BPIFC: variants seen among roughly 807,000 people sequenced by gnomAD.
BPIFC encodes BPI fold containing family C.
Under a neutral mutation model 57.6 loss-of-function variants are expected in BPIFC, and 60 were observed. The observed-to-expected ratio is 1.04, with a 90% CI of 0.85 to 1.29. The LOEUF (loss-of-function observed/expected upper bound fraction) is 1.29, where lower values mean the gene tolerates loss of function less well. Among genes scored for constraint, BPIFC ranks in the 50% most tolerant of loss-of-function variants. The probability of loss-of-function intolerance (pLI) is 0.00; values close to 1 mark genes in which losing one functional copy is unlikely to be tolerated. For synonymous variants in BPIFC, 243 were observed against 224.5 expected, an observed-to-expected ratio of 1.08 and a Z score of -0.74; for missense variants, 581 against 600.5, an observed-to-expected ratio of 0.97 and a Z score of 0.34.
rs369957427 is a variant in BPIFC, at chr22:32,445,863, C to T, written c.508G>A (p.Val170Ile). ...CACCTGAGTTCTCCGGAAAATGAGA[C>T]GTGGGCATGGCTCAGTTGGGCGTAG... ...DCYAQLSHAH[V>I]SFSGELSVLY... is the part of the protein sequence containing the mutation. Residue 170 changes from valine to isoleucine, a missense_variant, in exon 6 of 17, where the codon GTC becomes ATC. Coordinates refer to ENST00000300399, the MANE Select transcript of BPIFC (RefSeq NM_174932.3). 152 of 1,614,010 alleles carry T rather than the reference C, an allele frequency of 9.4e-5. No homozygotes were observed. The highest frequency in any genetic ancestry group is 8.0e-4 in the South Asian group (73 of 91,066).
chr22:32,430,926 A>T (rs1934220981), intron 13 of BPIFC, among the ~76,000 whole-genome samples: 1 of 152,174 alleles, frequency 6.6e-6, no homozygotes, highest in East Asian at 1.9e-4. Flanking sequence ...GAGAGCCTGT[A>T]AGATGGCACC....
intron 8 of BPIFC, among the ~76,000 whole-genome samples, chr22:32,441,006 AG>A (rs1232059689): frequency 6.6e-6 from 1 of 152,104 alleles, no homozygotes; most frequent in Non-Finnish European, 1.5e-5. Context: ...TTAGATTAAG[AG>A]GTGGACTTTG....
intron 13 of BPIFC, 110 bp downstream of exon 13, chr22:32,431,237 C>T: frequency 1.1e-6 from 1 of 918,060 alleles, no homozygotes. Flanking sequence ...CCTCAGCCTC[C>T]TGAGTAGCTG....
intron 13 of BPIFC, among the ~76,000 whole-genome samples, chr22:32,430,456 T>C (rs9609548): frequency 0.025 from 3,793 of 150,450 alleles, 53 homozygotes; most frequent in Non-Finnish European, 0.037. Context: ...GAATTATATA[T>C]ATATTCTTTG....
At chr22:32,435,019 T>G (rs1934350096) in intron 10 of BPIFC, among the ~76,000 whole-genome samples, 1 of 152,198 alleles carries the variant, frequency 6.6e-6, no homozygotes. Context: ...TAAGCAACAG[T>G]TATATCGCAC....
intron 4 of BPIFC, among the ~76,000 whole-genome samples, chr22:32,447,762 C>T (rs1934771118): frequency 6.6e-6 from 1 of 151,968 alleles, no homozygotes; most frequent in South Asian, 2.1e-4. Flanking sequence ...TGTGCCATCA[C>T]ACTTGGCTAA....
chr22:32,464,412 C>A lies in BPIFC; in HGVS notation c.-127G>T. On this transcript the variant is annotated 5_prime_UTR_variant, in exon 1 of 17. Transcript: ENST00000300399. ...AGTGTCCAAAGCTGGAGAGCACCTT[C>A]GATTCTCTCTGCCTTTGAAGCTGAT... 1.0e-6 allele frequency: 1 copy of A among 985,296 alleles called. No homozygotes were observed. Among genetic ancestry groups the A allele is most frequent in the Non-Finnish European group, 1.2e-6 (1 of 829,924 alleles). The allele number at this position is 985,296 out of a possible 1,614,324, so 61.0% of individuals were successfully genotyped here.
At chr22:32,419,228 T>G (rs1933765686) in intron 14 of BPIFC, 134 bp downstream of exon 14, 3 of 930,522 alleles carry the variant, frequency 3.2e-6, no homozygotes, top group Non-Finnish European at 3.2e-6. Flanking sequence ...CATAAAGAAT[T>G]TCAAAGTTAA....
intron 15 of BPIFC, among the ~76,000 whole-genome samples, chr22:32,416,759 A>C (rs1044783222): frequency 1.3e-5 from 2 of 152,204 alleles, no homozygotes; most frequent in Admixed American, 6.5e-5. Context: ...CGTAGGGAAA[A>C]TAATCTCGTT....
chr22:32,429,509 G>GTTTTTTTTTTTTTTT (rs780948561), intron 13 of BPIFC, among the ~76,000 whole-genome samples: 1 of 56,622 alleles, frequency 1.8e-5, no homozygotes, highest in African/African-American at 7.0e-5. Flanking sequence ...ACTGGCCTTT[G>GTTTTTTTTTTTTTTT]TTTTTTTTTT....
Position 32,464,405 on chromosome 22 carries a change from G to A in BPIFC, c.-120C>T, listed in dbSNP as rs976524027. 1.0e-6 allele frequency: 1 copy of A among 985,352 alleles called. No individual in the cohort carries two copies. Among genetic ancestry groups the A allele is most frequent in the African/African-American group, 1.7e-5 (1 of 57,338 alleles). The allele number at this position is 985,352 out of a possible 1,614,324, so 61.0% of individuals were successfully genotyped here. On this transcript the variant is annotated 5_prime_UTR_variant, in exon 1 of 17. Transcript: ENST00000300399. ...CAGAGGAAGTGTCCAAAGCTGGAGA[G>A]CACCTTCGATTCTCTCTGCCTTTGA... is the stretch of plus-strand genomic sequence containing the variant.
At chr22:32,415,626 A>C (rs12167313) in intron 16 of BPIFC, among the ~76,000 whole-genome samples, 1,783 of 152,288 alleles carry the variant, frequency 0.012, 21 homozygotes, top group African/African-American at 0.035. Context: ...CCAGCCTTAC[A>C]GATTGTCTTG....
intron 13 of BPIFC, among the ~76,000 whole-genome samples, chr22:32,420,547 A>G (rs1305923994): frequency 6.6e-6 from 1 of 152,226 alleles, no homozygotes; most frequent in African/African-American, 2.4e-5. Flanking sequence ...AAGGTACAGT[A>G]TAATTGTTAG....
Position 32,414,336 on chromosome 22 carries a change from T to C in BPIFC, c.1491A>G (p.Ile497Met). Reference protein sequence around the residue: ...SFHVWEGLNLISRQWRGKSAP With the variant: ...SFHVWEGLNLMSRQWRGKSAP ...CTGACTTCCCCCTCCACTGTCTGCT[T>C]ATCAGGTTCAGACCTTCCCATACGT... The change falls in exon 17 of 17, where the codon ATA (isoleucine) becomes ATG (methionine). Residue 497 changes from isoleucine (I) to methionine (M), a missense_variant. Physicochemically the swap from Ile to Met is conservative, Grantham distance 10. Transcript: ENST00000300399. 1.9e-6 allele frequency: 3 copies of C among 1,613,898 alleles called. No homozygotes were observed. The East Asian group carries it at 6.7e-5, about 36-fold the overall frequency.
At chr22:32,448,200 C>T (rs1260675591) in intron 4 of BPIFC, among the ~76,000 whole-genome samples, 2 of 152,082 alleles carry the variant, frequency 1.3e-5, no homozygotes, top group Non-Finnish European at 2.9e-5. Context: ...TCCCAAGTAG[C>T]TGGGACTACA....
chr22:32,450,246 T>C (rs949738427), intron 4 of BPIFC, among the ~76,000 whole-genome samples: 2 of 152,338 alleles, frequency 1.3e-5, no homozygotes, highest in South Asian at 2.1e-4. Context: ...CTTACCATTG[T>C]ATTACAATTG....
chr22:32,446,292 A>G (rs1168533813), intron 5 of BPIFC, among the ~76,000 whole-genome samples: 1 of 152,180 alleles, frequency 6.6e-6, no homozygotes, highest in Non-Finnish European at 1.5e-5. Flanking sequence ...CTTCATATAC[A>G]ATGTTTGTTT....
intron 5 of BPIFC, 77 bp downstream of exon 5, chr22:32,447,135 A>C: frequency 7.0e-7 from 1 of 1,432,178 alleles, no homozygotes; most frequent in Non-Finnish European, 9.2e-7. Context: ...TGCCAAAAAC[A>C]TTGGTGAATT....
intron 1 of BPIFC, among the ~76,000 whole-genome samples, chr22:32,462,191 G>T (rs796992512): frequency 1.3e-3 from 125 of 94,998 alleles, no homozygotes; most frequent in African/African-American, 4.3e-3. Flanking sequence ...AAAAAAAAAA[G>T]AAAAAAGAAA....
Sources: gnomAD v4.1 joint callset for allele counts (sites outside exome capture counted in the v4.1 genomes callset) on GRCh38, gnomAD v4.1.1 for gene constraint, MANE v1.5 for transcripts, NCBI Gene and HGNC (gene_info 2026-07-23, HGNC 2026-07-21) for gene names.